The following OXR1 variants were observed in gnomAD, a reference collection of about 807,000 sequenced individuals.
OXR1 encodes oxidation resistance 1.
In OXR1, 41 loss-of-function variants were observed where a neutral mutation model predicts 104.6. The observed-to-expected ratio is 0.39, with a 90% CI of 0.31 to 0.51. The LOEUF is 0.51. Ranked by LOEUF, OXR1 falls within the 20% of genes least tolerant of loss-of-function variation. The pLI is 0.77. For synonymous variants in OXR1, 348 were observed against 348.4 expected, an observed-to-expected ratio of 1.00 and a Z score of 0.01; for missense variants, 955 against 1,031.9, an observed-to-expected ratio of 0.93 and a Z score of 1.02.
intron 1 of OXR1, among the ~76,000 whole-genome samples, chr8:106,311,912 C>T (rs538240762): frequency 6.6e-6 from 1 of 152,216 alleles, no homozygotes; most frequent in East Asian, 1.9e-4. Context: ...GTCTCTCCCT[C>T]CCTGCCTCTT....
At chr8:106,610,236 C>T (rs985620885) in intron 3 of OXR1, among the ~76,000 whole-genome samples, 2 of 152,090 alleles carry the variant, frequency 1.3e-5, no homozygotes, top group African/African-American at 4.8e-5. Context: ...GTCTATTCAA[C>T]CCTGCAAATT....
At chr8:106,293,758 G>T (rs1257589254) in intron 1 of OXR1, among the ~76,000 whole-genome samples, 1 of 152,110 alleles carries the variant, frequency 6.6e-6, no homozygotes, top group Non-Finnish European at 1.5e-5. Flanking sequence ...CATGGCAAAA[G>T]GGCAAAAGAC....
intron 11 of OXR1, among the ~76,000 whole-genome samples, chr8:106,732,411 T>C (rs1056638988): frequency 6.6e-6 from 1 of 152,196 alleles, no homozygotes; most frequent in African/African-American, 2.4e-5. Context: ...AGCTAGGACT[T>C]CCTGCATAAT....
chr8:106,467,324 G>T (rs1198399456), intron 2 of OXR1, among the ~76,000 whole-genome samples: 3 of 151,814 alleles, frequency 2.0e-5, no homozygotes, highest in African/African-American at 4.8e-5. Flanking sequence ...GCTGTATTCT[G>T]TGACTATATT....
At chr8:106,694,775 A>T (rs376224211) in intron 7 of OXR1, among the ~76,000 whole-genome samples, 16 of 95,016 alleles carry the variant, frequency 1.7e-4, no homozygotes, top group East Asian at 1.5e-3. Context: ...TAATAGATAA[A>T]TACATATATA....
intron 3 of OXR1, among the ~76,000 whole-genome samples, chr8:106,635,406 T>C (rs142844995): frequency 1.6e-3 from 237 of 152,296 alleles, no homozygotes; most frequent in Non-Finnish European, 2.2e-3. Context: ...ATTTTAAAGA[T>C]TAAAAGAAAT....
chr8:106,314,350 C>T (rs935083936), intron 1 of OXR1, among the ~76,000 whole-genome samples: 3 of 152,290 alleles, frequency 2.0e-5, no homozygotes, highest in African/African-American at 7.2e-5. Flanking sequence ...ACCATTTTCA[C>T]CAGTACTTCT....
At chr8:106,606,594 G>A (rs1438427388) in intron 3 of OXR1, among the ~76,000 whole-genome samples, 1 of 151,350 alleles carries the variant, frequency 6.6e-6, no homozygotes, top group Non-Finnish European at 1.5e-5. Flanking sequence ...TTATAGGCAT[G>A]AGCCACTGCA....
chr8:106,503,899 C>G (rs1205956751), intron 2 of OXR1, among the ~76,000 whole-genome samples: 3 of 152,136 alleles, frequency 2.0e-5, no homozygotes, highest in Non-Finnish European at 2.9e-5. Context: ...TGGGAAGGAG[C>G]TATGAGTGAC....
Position 106,423,555 on chromosome 8 carries a change from T to TTC in OXR1, c.23+63924_23+63925dup, listed in dbSNP as rs569166673. Among the ~76,000 whole-genome samples, 231 of 152,340 alleles carry TTC rather than the reference T, an allele frequency of 1.5e-3. 2 individuals carry two copies. The highest frequency in any genetic ancestry group is 5.1e-3 in the African/African-American group (212 of 41,580). ...CAAAGATGGTTCTAAACAGAGTTTA[T>TTC]TCTCTCAGCCTCTGTTCTGCTAATT... is the stretch of plus-strand genomic sequence containing the variant. On this transcript the variant is annotated intron_variant, in intron 2 of 16. Coordinates refer to ENST00000517566, the MANE Select transcript of OXR1 (RefSeq NM_001198533.2).
At chr8:106,313,087 T>C (rs1182650415) in intron 1 of OXR1, among the ~76,000 whole-genome samples, 1 of 152,216 alleles carries the variant, frequency 6.6e-6, no homozygotes, top group Non-Finnish European at 1.5e-5. Flanking sequence ...TCTTTATTTT[T>C]TTCTCCAGTA....
chr8:106,615,431 CA>C (rs1289895066), intron 3 of OXR1, among the ~76,000 whole-genome samples: 42 of 138,894 alleles, frequency 3.0e-4, no homozygotes, highest in Admixed American at 3.6e-4. Flanking sequence ...GACTCCGTCT[CA>C]AAAAAAAAAA....
intron 3 of OXR1, among the ~76,000 whole-genome samples, chr8:106,535,165 G>A (rs1361013725): frequency 6.6e-6 from 1 of 151,996 alleles, no homozygotes; most frequent in Non-Finnish European, 1.5e-5. Context: ...GGGTTTCACT[G>A]TTTTTGCCAG....
At chr8:106,346,336 G>A (rs533041949) in intron 1 of OXR1, among the ~76,000 whole-genome samples, 10 of 152,160 alleles carry the variant, frequency 6.6e-5, no homozygotes, top group South Asian at 4.2e-4. Flanking sequence ...CTGAACAGCC[G>A]GGACTATTAA....
At chr8:106,462,796 T>C (rs1231001458) in intron 2 of OXR1, among the ~76,000 whole-genome samples, 1 of 152,042 alleles carries the variant, frequency 6.6e-6, no homozygotes, top group Admixed American at 6.6e-5. Context: ...TTTTTTCTCA[T>C]GTGTTCAAGA....
intron 2 of OXR1, among the ~76,000 whole-genome samples, chr8:106,436,722 A>ATAGCCTTCCCTGC (rs1328823433): frequency 1.3e-5 from 2 of 152,116 alleles, no homozygotes; most frequent in Non-Finnish European, 2.9e-5. Context: ...ACCTTCACAC[A>ATAGCCTTCCCTGC]TAGCCTTCCC....
intron 3 of OXR1, among the ~76,000 whole-genome samples, chr8:106,554,523 C>G (rs967943274): frequency 2.0e-5 from 3 of 152,180 alleles, no homozygotes; most frequent in African/African-American, 7.2e-5. Flanking sequence ...TATTCTGTCA[C>G]ATGTCCTAAT....
At chr8:106,507,162 CT>C (rs1206113711) in intron 2 of OXR1, among the ~76,000 whole-genome samples, 1 of 152,106 alleles carries the variant, frequency 6.6e-6, no homozygotes, top group Non-Finnish European at 1.5e-5. Context: ...GTCAGGGAAT[CT>C]ATGAAAGTAG....
chr8:106,470,343 C>T (rs1392111850), intron 2 of OXR1, among the ~76,000 whole-genome samples: 3 of 151,664 alleles, frequency 2.0e-5, no homozygotes, highest in African/African-American at 2.4e-5. Flanking sequence ...CAGTTATTTC[C>T]GTATTTTGAA....
Sources: allele counts gnomAD v4.1 joint callset (sites outside exome capture counted in the v4.1 genomes callset), GRCh38; gene constraint gnomAD v4.1.1; transcripts MANE v1.5; gene names NCBI Gene and HGNC (gene_info 2026-07-23, HGNC 2026-07-21).